Variants in SAP30BP observed in about 807,000 individuals in gnomAD.
The protein encoded by SAP30BP is SAP30-binding protein.
SAP30BP carries 31 observed loss-of-function variants against 46.3 expected under a neutral mutation model. That is an observed-to-expected ratio of 0.67 (90% CI 0.50 to 0.90). The LOEUF is 0.90. Among genes scored for constraint, SAP30BP ranks in the 40% least tolerant of loss-of-function variants. SAP30BP has a pLI of 0.00. For missense variants in SAP30BP, 312 were observed against 391.0 expected, an observed-to-expected ratio of 0.80 and a Z score of 1.70; for synonymous variants, 169 against 144.2, an observed-to-expected ratio of 1.17 and a Z score of -1.23.
In SAP30BP at chr17:75,706,520, G is replaced by T; in HGVS notation, c.926G>T (p.Ter309LeuextTer6). The change falls in exon 11 of 11, where the codon TGA becomes TTA. Residue 309 changes from the stop codon to leucine, a stop_lost. Coordinates refer to ENST00000584667, the MANE Select transcript of SAP30BP (RefSeq NM_013260.8). This position sits in a 1 kb window ranked among gnomAD's most constrained non-coding sequence, Gnocchi z 4.6. The part of the protein sequence containing the change: ...VGTIVKKAKQ[*>L] ...ACCATTGTGAAGAAGGCCAAGCAGT[G>T]ACCTGAGGGGCCACCCTAGGACTTG... 1.9e-6 allele frequency: 3 copies of T among 1,613,864 alleles called. No homozygotes were observed. The highest frequency in any genetic ancestry group is 2.5e-6 in the Non-Finnish European group (3 of 1,179,928).
chr17:75,694,502 T>C (rs2060285780), intron 4 of SAP30BP, among the ~76,000 whole-genome samples: 1 of 152,214 alleles, frequency 6.6e-6, no homozygotes, highest in Non-Finnish European at 1.5e-5. Context: ...TCAAATCCTA[T>C]AAAAACCAAG....
At chr17:75,704,987 C>CG in intron 9 of SAP30BP, 173 bp downstream of exon 9, 1 of 602,418 alleles carries the variant, frequency 1.7e-6, no homozygotes, top group Non-Finnish European at 3.0e-6. Flanking sequence ...GCTGGGTTCA[C>CG]GGCGCTCGTC....
chr17:75,698,272 A>G (rs1023002822), intron 4 of SAP30BP, among the ~76,000 whole-genome samples: 2 of 152,256 alleles, frequency 1.3e-5, no homozygotes, highest in African/African-American at 4.8e-5. Context: ...TTTTGTTCTC[A>G]GGAATGAGGT....
chr17:75,671,040 G>T (rs1045683623), intron 2 of SAP30BP, among the ~76,000 whole-genome samples: 1 of 152,194 alleles, frequency 6.6e-6, no homozygotes, highest in East Asian at 1.9e-4. Flanking sequence ...TAGCATCAGC[G>T]TTAGCGTTCA....
In SAP30BP at chr17:75,704,831, C is replaced by G; in HGVS notation, c.660+17C>G. 6.2e-7 allele frequency: 1 copy of G among 1,605,434 alleles called. No individual in the cohort carries two copies. The highest frequency in any genetic ancestry group is 8.5e-7 in the Non-Finnish European group (1 of 1,172,364). ...CGAACAAAAGTAAGTGATGGCAGACCTCCTAGATGAAAAAGGCACATGTGG... is the reference window on the plus strand; with the variant it reads ...CGAACAAAAGTAAGTGATGGCAGACGTCCTAGATGAAAAAGGCACATGTGG... On this transcript the variant is annotated intron_variant, in intron 9 of 10. Transcript: ENST00000584667.
At chr17:75,670,098 C>T (rs1314454329) in intron 2 of SAP30BP, among the ~76,000 whole-genome samples, 1 of 151,964 alleles carries the variant, frequency 6.6e-6, no homozygotes, top group Non-Finnish European at 1.5e-5. Flanking sequence ...CTGAGGTGGG[C>T]GGATCACAAG....
intron 3 of SAP30BP, among the ~76,000 whole-genome samples, chr17:75,689,277 C>T (rs545339311): frequency 5.3e-5 from 8 of 151,754 alleles, no homozygotes; most frequent in Admixed American, 1.3e-4. Flanking sequence ...CCACCATGCC[C>T]GGCTAATTTT....
At chr17:75,688,702 C>T (rs796938342) in intron 3 of SAP30BP, among the ~76,000 whole-genome samples, 20 of 152,280 alleles carry the variant, frequency 1.3e-4, no homozygotes, top group African/African-American at 4.8e-4. Flanking sequence ...ATCCTCCCAG[C>T]TCAAATGGCA....
intron 3 of SAP30BP, among the ~76,000 whole-genome samples, chr17:75,677,980 T>C (rs974360025): frequency 6.6e-6 from 1 of 152,058 alleles, no homozygotes; most frequent in Non-Finnish European, 1.5e-5. Context: ...TTGAGAACTG[T>C]TTTTATTGCT....
chr17:75,694,727 G>A (rs930638458), intron 4 of SAP30BP, among the ~76,000 whole-genome samples: 5 of 152,202 alleles, frequency 3.3e-5, no homozygotes, highest in African/African-American at 9.7e-5. Context: ...GAAACTACAC[G>A]GCTGGGGATC....
chr17:75,691,352 A>G, intron 3 of SAP30BP: 2 of 447,704 alleles, frequency 4.5e-6, no homozygotes, highest in Middle Eastern at 3.3e-4. Context: ...AAAGGGATAA[A>G]ATACTTCCTG....
intron 3 of SAP30BP, 166 bp from the exon 4 acceptor site, chr17:75,693,274 G>A (rs2148406364): frequency 5.0e-6 from 3 of 596,256 alleles, no homozygotes; most frequent in East Asian, 5.9e-5. Flanking sequence ...AAGAGGGTTC[G>A]GAGGCTCGGG....
intron 4 of SAP30BP, 123 bp from the exon 5 acceptor site, chr17:75,699,660 G>T: frequency 1.5e-6 from 1 of 666,326 alleles, no homozygotes; most frequent in Non-Finnish European, 2.7e-6. Flanking sequence ...CGAACACTCA[G>T]TTGTACTGTT....
chr17:75,692,922 C>G (rs551152448), intron 3 of SAP30BP: 1 of 152,464 alleles, frequency 6.6e-6, no homozygotes, highest in Non-Finnish European at 1.5e-5. Flanking sequence ...GATGAAGCCT[C>G]CCTTCTTTGA....
At chr17:75,705,664 T>G in intron 9 of SAP30BP, 1 of 1,117,814 alleles carries the variant, frequency 8.9e-7, no homozygotes, top group Non-Finnish European at 1.1e-6. Context: ...GTCCTTCCCC[T>G]GTGCGGGCGG....
intron 4 of SAP30BP, among the ~76,000 whole-genome samples, chr17:75,698,248 A>T (rs941245055): frequency 1.1e-4 from 16 of 152,366 alleles, no homozygotes; most frequent in African/African-American, 3.8e-4. Context: ...GGTTCTTCCC[A>T]TCAGAATCAG....
Position 75,706,387 on chromosome 17 carries a change from A to G in SAP30BP, c.793A>G (p.Thr265Ala), listed in dbSNP as rs994320717. ...GTGGGATTCGGCTATCCCAGTGACA[A>G]CGATAGCCCAGCCCACCATCCTCAC... ...SKWDSAIPVT[T>A]IAQPTILTTT... The change falls in exon 11 of 11, where the codon ACG becomes GCG. Residue 265 changes from threonine to alanine, a missense_variant. By Grantham distance (58) the Thr-to-Ala change is moderately conservative. This residue lies in a region of SAP30BP where 296 missense variants were observed against 346.6 expected (regional missense o/e 0.85). Coordinates refer to ENST00000584667, the MANE Select transcript of SAP30BP (RefSeq NM_013260.8). The surrounding 1 kb of genome is among the most constrained non-coding windows in gnomAD (Gnocchi z 4.6). The G allele has an allele frequency of 5.6e-6, 9 of 1,614,014 alleles. No homozygotes were observed. The highest frequency in any genetic ancestry group is 1.1e-5 in the South Asian group (1 of 91,076).
At chr17:75,690,004 G>A (rs1413097154) in intron 3 of SAP30BP, among the ~76,000 whole-genome samples, 1 of 152,132 alleles carries the variant, frequency 6.6e-6, no homozygotes, top group Non-Finnish European at 1.5e-5. Flanking sequence ...ATTACCTACC[G>A]GGTACAGTGT....
chr17:75,674,690 G>GTTTGTTTTTTT (rs2059958498), intron 3 of SAP30BP, among the ~76,000 whole-genome samples: 5 of 39,578 alleles, frequency 1.3e-4, no homozygotes, highest in African/African-American at 2.0e-4. Flanking sequence ...TTTTTTGTTT[G>GTTTGTTTTTTT]TTTTTTGTTT....
Sources: gnomAD v4.1 joint callset for allele counts (sites outside exome capture counted in the v4.1 genomes callset) on GRCh38, gnomAD v4.1.1 for gene constraint, gnomAD v4.1.1 regional missense constraint, Gnocchi (gnomAD v3.1) non-coding constraint, MANE v1.5 for transcripts, NCBI Gene and HGNC (gene_info 2026-07-23, HGNC 2026-07-21) for gene names.